HDX: variants seen among roughly 807,000 people sequenced by gnomAD.
HDX encodes the protein highly divergent homeobox, also known as chromosome X open reading frame 43.
A neutral mutation model predicts 45.2 loss-of-function variants in HDX; 19 were observed. The ratio of observed to expected loss-of-function variants is 0.42; its 90% CI spans 0.29 to 0.62. HDX has a LOEUF of 0.62. Among genes scored for constraint, HDX ranks in the 20% least tolerant of loss-of-function variants. HDX has a pLI of 0.20. For missense variants in HDX, 532 were observed against 493.9 expected (o/e 1.08, Z -0.73); for synonymous variants, 188 against 172.8 (o/e 1.09, Z -0.69).
At chrX:84,494,082 A>C (rs2040950111) in intron 1 of HDX, among the ~76,000 whole-genome samples, 2 of 111,909 alleles carry the variant, frequency 1.8e-5, no homozygotes, top group South Asian at 7.4e-4. Flanking sequence ...AATGACAAAA[A>C]CATAAATAGG....
intron 6 of HDX, 147 bp downstream of exon 6, chrX:84,361,319 G>A: frequency 2.4e-6 from 1 of 423,088 alleles, no homozygotes; most frequent in East Asian, 4.0e-5. Context: ...TTCCTTATCA[G>A]ATATATGATT....
At chrX:84,371,110 C>T (rs938572941) in intron 5 of HDX, among the ~76,000 whole-genome samples, 2 of 111,873 alleles carry the variant, frequency 1.8e-5, no homozygotes, top group African/African-American at 6.5e-5. Flanking sequence ...ATCGTAAGGG[C>T]TTACAACTGG....
rs181048854 is a variant in HDX at position 84,429,433 on chromosome X, C to T, written c.1305+11099G>A. On this transcript the variant is annotated intron_variant, in intron 5 of 10. Transcript: ENST00000373177. Reference sequence around the variant, plus strand: ...TTATCCCTCAGTATTTCATATTTTACGTTATTTTCAAATATGTTTTTAAAA... The same window carrying T: ...TTATCCCTCAGTATTTCATATTTTATGTTATTTTCAAATATGTTTTTAAAA... 2.4e-3 allele frequency among the ~76,000 whole-genome samples: 266 copies of T among 110,471 alleles called. 2 individuals carry two copies. Among genetic ancestry groups the T allele is most frequent in the African/African-American group, 8.3e-3 (253 of 30,648 alleles).
rs1011899408 is a variant in HDX, at chrX:84,376,497, G to A, written c.1306-14885C>T. 1.8e-4 allele frequency among the ~76,000 whole-genome samples: 20 copies of A among 111,575 alleles called. No homozygotes were observed. In the East Asian group the frequency reaches 4.3e-3, roughly 24 times the overall value. ...TTTCTGGACTTTCCCTGAGCCAGAG[G>A]GGAGTGCACTTCCCTGAAAGTTGAG... On this transcript the variant is annotated intron_variant, in intron 5 of 10. Coordinates refer to ENST00000373177, the MANE Select transcript of HDX (RefSeq NM_001177479.2).
intron 5 of HDX, among the ~76,000 whole-genome samples, chrX:84,400,590 G>C (rs1175445518): frequency 9.0e-6 from 1 of 110,834 alleles, no homozygotes; most frequent in Non-Finnish European, 1.9e-5. Flanking sequence ...TATCCTCATG[G>C]ATAGGAATAA....
At chrX:84,387,624 A>AT (rs2038349078) in intron 5 of HDX, among the ~76,000 whole-genome samples, 1 of 111,754 alleles carries the variant, frequency 8.9e-6, no homozygotes, top group Non-Finnish European at 1.9e-5. Flanking sequence ...GTTTTATCTG[A>AT]TATAAAAATA....
chrX:84,468,156 G>A (rs767750823), intron 4 of HDX, among the ~76,000 whole-genome samples: 1 of 111,053 alleles, frequency 9.0e-6, no homozygotes, highest in South Asian at 3.8e-4. Context: ...TCATGAGCCC[G>A]ACCAATTTAA....
chrX:84,370,055 A>ATTGCC (rs2037855794), intron 5 of HDX, among the ~76,000 whole-genome samples: 1 of 112,026 alleles, frequency 8.9e-6, no homozygotes, highest in South Asian at 3.7e-4. Flanking sequence ...AGTTAAGTAG[A>ATTGCC]TTGCCCTTCC....
intron 5 of HDX, among the ~76,000 whole-genome samples, chrX:84,416,430 T>C (rs2039104241): frequency 8.9e-6 from 1 of 112,000 alleles, no homozygotes; most frequent in African/African-American, 3.2e-5. Flanking sequence ...TTTCATTGTT[T>C]GAGTAAAATG....
chrX:84,386,411 A>C (rs2147919989), intron 5 of HDX, among the ~76,000 whole-genome samples: 1 of 111,169 alleles, frequency 9.0e-6, no homozygotes, highest in Non-Finnish European at 1.9e-5. Flanking sequence ...TTTTTGCAAT[A>C]GTTTCATGAT....
At chrX:84,340,482 T>C (rs936095864) in intron 7 of HDX, among the ~76,000 whole-genome samples, 1 of 111,036 alleles carries the variant, frequency 9.0e-6, no homozygotes, top group African/African-American at 3.3e-5. Context: ...ATCTAAAGAT[T>C]ATTTTTTCTT....
At chrX:84,434,901 T>C (rs1273975166) in intron 5 of HDX, among the ~76,000 whole-genome samples, 1 of 111,354 alleles carries the variant, frequency 9.0e-6, no homozygotes, top group African/African-American at 3.3e-5. Flanking sequence ...TGTTAGTAAG[T>C]CATATGTATC....
chrX:84,412,018 G>A (rs960116301), intron 5 of HDX, among the ~76,000 whole-genome samples: 2 of 111,291 alleles, frequency 1.8e-5, no homozygotes, highest in African/African-American at 6.5e-5. Context: ...TTGCTTGGTA[G>A]ATTTTTATCC....
At chrX:84,448,348 A>G (rs1462869722) in intron 4 of HDX, among the ~76,000 whole-genome samples, 2 of 111,468 alleles carry the variant, frequency 1.8e-5, no homozygotes, top group Admixed American at 1.9e-4. Context: ...TGGAGGCCCA[A>G]GAATCACCAC....
intron 5 of HDX, among the ~76,000 whole-genome samples, chrX:84,392,052 A>G (rs2038454175): frequency 1.8e-5 from 2 of 111,667 alleles, no homozygotes; most frequent in African/African-American, 6.5e-5. Flanking sequence ...GTTTCCTTCC[A>G]GTAGTATTAT....
chrX:84,461,041 C>T (rs1360891311), intron 4 of HDX, among the ~76,000 whole-genome samples: 1 of 111,226 alleles, frequency 9.0e-6, no homozygotes, highest in Non-Finnish European at 1.9e-5. Context: ...CACAACAGAA[C>T]TGATAGTCCA....
chrX:84,440,544 A>G lies in HDX; in HGVS notation c.1293T>C (p.Ser431=). The G allele has an allele frequency of 1.7e-6, 2 of 1,182,438 alleles. No individual in the cohort carries two copies. The highest frequency in any genetic ancestry group is 2.3e-6 in the Non-Finnish European group (2 of 871,084). The change falls in exon 5 of 11, where the codon TCT becomes TCC. Residue 431 remains serine, a synonymous_variant. Coordinates refer to ENST00000373177, the MANE Select transcript of HDX (RefSeq NM_001177479.2). ...AAAGATTACTTACTGCTCTTTTTCT[A>G]GAACACCCTGTAATCCAAGGCACAG... The part of the protein sequence containing the change: ...NLTVPWITGC[S]RKRALQDRTQ...
intron 2 of HDX, among the ~76,000 whole-genome samples, chrX:84,487,290 C>A (rs955764502): frequency 8.9e-6 from 1 of 111,836 alleles, no homozygotes; most frequent in Non-Finnish European, 1.9e-5. Context: ...TGTTTTAACA[C>A]CTTTTGATAG....
Position 84,319,479 on chromosome X carries a change from T to C in HDX, c.*2410A>G, listed in dbSNP as rs182461083. On this transcript the variant is annotated 3_prime_UTR_variant, in exon 11 of 11. Coordinates refer to ENST00000373177, the MANE Select transcript of HDX (RefSeq NM_001177479.2). ...GATTCTTTTTCTATAGATAGAGGTATTTCCTTCAGTTCCTGCTACAGAATA... is the reference window on the plus strand; with the variant it reads ...GATTCTTTTTCTATAGATAGAGGTACTTCCTTCAGTTCCTGCTACAGAATA... The C allele has an allele frequency of 2.6e-3, 295 of 111,849 alleles. 2 individuals are homozygous for C. Among genetic ancestry groups the C allele is most frequent in the African/African-American group, 9.2e-3 (285 of 31,022 alleles). The allele number at this position is 111,849 out of a possible 1,213,427, so 9.2% of individuals were successfully genotyped here.
Sources: gnomAD v4.1 joint callset for allele counts (sites outside exome capture counted in the v4.1 genomes callset) on GRCh38, gnomAD v4.1.1 for gene constraint, MANE v1.5 for transcripts, NCBI Gene and HGNC (gene_info 2026-07-23, HGNC 2026-07-21) for gene names.